Variants in JMY observed in about 807,000 individuals in gnomAD.
The protein encoded by JMY is junction mediating and regulatory protein, p53 cofactor.
JMY carries 46 observed loss-of-function variants against 103.3 expected under a neutral mutation model. That is an observed-to-expected ratio of 0.45 (90% CI 0.35 to 0.57). The LOEUF (loss-of-function observed/expected upper bound fraction) is 0.57. JMY is among the 20% of genes least tolerant of loss of function. The pLI, the probability that JMY is intolerant of heterozygous loss-of-function variation, is 0.00. For synonymous variants in JMY, 526 were observed against 489.3 expected (o/e 1.07, Z -0.99); for missense variants, 1,238 against 1,255.2 (o/e 0.99, Z 0.21).
chr5:79,268,069 C>A (rs1745634788), intron 1 of JMY, among the ~76,000 whole-genome samples: 1 of 152,100 alleles, frequency 6.6e-6, no homozygotes, highest in South Asian at 2.1e-4. Flanking sequence ...CACAGTGAGA[C>A]CCATCGCTAC....
intron 1 of JMY, among the ~76,000 whole-genome samples, chr5:79,246,144 C>T (rs1015891233): frequency 1.3e-5 from 2 of 152,118 alleles, no homozygotes; most frequent in Non-Finnish European, 1.5e-5. Context: ...TTTCACTTCT[C>T]CCTGTGGTTT....
Position 79,287,432 on chromosome 5 carries a change from C to T in JMY, c.1207-2689C>T, listed in dbSNP as rs1380542467. 2.6e-5 allele frequency among the ~76,000 whole-genome samples: 4 copies of T among 152,130 alleles called. No homozygotes were observed. The East Asian group carries it at 7.7e-4, about 29-fold the overall frequency. ...ACTAGCTTAAGGTTTTAGGTACAATCGACTAATTACGGATCTTTAACCTTT... is the reference window on the plus strand; with the variant it reads ...ACTAGCTTAAGGTTTTAGGTACAATTGACTAATTACGGATCTTTAACCTTT... On this transcript the variant is annotated intron_variant, in intron 2 of 10. Transcript: ENST00000396137.
chr5:79,272,271 C>T (rs1483768584), intron 1 of JMY, among the ~76,000 whole-genome samples: 1 of 152,096 alleles, frequency 6.6e-6, no homozygotes, highest in Non-Finnish European at 1.5e-5. Context: ...TTTATCTCTT[C>T]TAGGCAACAT....
At chr5:79,302,288 A>G (rs1746759949) in intron 6 of JMY, among the ~76,000 whole-genome samples, 1 of 152,190 alleles carries the variant, frequency 6.6e-6, no homozygotes, top group Non-Finnish European at 1.5e-5. Context: ...ATGCTATGCA[A>G]TTCAGACTTA....
Position 79,300,758 on chromosome 5 carries a change from G to C in JMY, c.1776G>C (p.Ala592=), listed in dbSNP as rs746936628. 1.1e-5 allele frequency: 17 copies of C among 1,612,194 alleles called. No individual in the cohort carries two copies. Among genetic ancestry groups the C allele is most frequent in the Non-Finnish European group, 1.4e-5 (17 of 1,179,322 alleles). The change falls in exon 6 of 11, where the codon GCG becomes GCC. Residue 592 remains alanine (A), a synonymous_variant. Coordinates refer to ENST00000396137, the MANE Select transcript of JMY (RefSeq NM_152405.5). The stretch of plus-strand genomic sequence containing the variant: ...AGAAGGAAGAGATGGCAGCATCTGC[G>C]TACTTACAGAGAGAAGAGCTGCAGA... ...MLEKEEMAAS[A]YLQREELQKL...
rs766069442 is a variant in JMY, at chr5:79,316,257, G to A, written c.2917G>A (p.Glu973Lys). 10 of 1,613,672 alleles carry A rather than the reference G, an allele frequency of 6.2e-6. No individual in the cohort carries two copies. Among genetic ancestry groups the A allele is most frequent in the African/African-American group, 1.3e-5 (1 of 74,920 alleles). The change falls in exon 10 of 11, where the codon GAG becomes AAG. Residue 973 changes from glutamate to lysine, a missense_variant. Physicochemically the swap from Glu to Lys is moderately conservative, Grantham distance 56. Transcript: ENST00000396137. ...TAGAAGAATTAAAGAAGCATCCCCA[G>A]AGTCAGAGGACGAAGAGGAGGCTTT... ...ALRRIKEASP[E>K]SEDEEEALPC...
At chr5:79,263,609 G>C (rs1745491212) in intron 1 of JMY, among the ~76,000 whole-genome samples, 1 of 152,110 alleles carries the variant, frequency 6.6e-6, no homozygotes, top group Non-Finnish European at 1.5e-5. Flanking sequence ...GGCCCAGGCT[G>C]GTCTTGAACT....
At chr5:79,309,600 T>G (rs1370820191) in intron 7 of JMY, among the ~76,000 whole-genome samples, 1 of 152,196 alleles carries the variant, frequency 6.6e-6, no homozygotes, top group Non-Finnish European at 1.5e-5. Context: ...AGCATCATAC[T>G]AAAGGCCAAA....
chr5:79,251,161 T>A (rs535364498), intron 1 of JMY, among the ~76,000 whole-genome samples: 2 of 152,288 alleles, frequency 1.3e-5, no homozygotes, highest in South Asian at 2.1e-4. Flanking sequence ...TCCTGTTTGG[T>A]TGGGAAGGAG....
At chr5:79,320,928 A>T (rs1167188794) in intron 10 of JMY, among the ~76,000 whole-genome samples, 2 of 152,240 alleles carry the variant, frequency 1.3e-5, no homozygotes, top group African/African-American at 4.8e-5. Context: ...GAAATGTCCT[A>T]CCAAAACAGC....
intron 2 of JMY, chr5:79,284,789 T>C: frequency 9.5e-6 from 15 of 1,576,238 alleles, no homozygotes; most frequent in Non-Finnish European, 1.3e-5. Context: ...ATCTTTCCAA[T>C]ATTTCTTATA....
chr5:79,237,965 CT>C (rs1357809739), intron 1 of JMY, among the ~76,000 whole-genome samples: 1 of 152,144 alleles, frequency 6.6e-6, no homozygotes, highest in Non-Finnish European at 1.5e-5. Context: ...ATTAAAGCCA[CT>C]AAGAAAAGTG....
intron 1 of JMY, among the ~76,000 whole-genome samples, chr5:79,272,805 T>G (rs1005111410): frequency 1.3e-5 from 2 of 152,292 alleles, no homozygotes; most frequent in Non-Finnish European, 2.9e-5. Context: ...GGCTAATTTT[T>G]GTATTTCTAG....
In JMY at chr5:79,314,634, C is replaced by T; in HGVS notation, c.2442C>T (p.Pro814=). The T allele has an allele frequency of 1.3e-6, 2 of 1,492,468 alleles. No homozygotes were observed. Among genetic ancestry groups the T allele is most frequent in the Non-Finnish European group, 1.9e-6 (2 of 1,080,884 alleles). 92.5% of individuals were successfully genotyped at this position (1,492,468 alleles called of 1,614,324 possible). The change falls in exon 9 of 11, where the codon CCC becomes CCT. Residue 814 remains proline (P), a synonymous_variant. Coordinates refer to ENST00000396137, the MANE Select transcript of JMY (RefSeq NM_152405.5). The part of the protein sequence containing the change: ...PSPLPPTPPP[P]PPPPPPPPPP... ...CTCTTCCTCCAACACCACCACCTCC[C>T]CCACCTCCTCCCCCTCCCCCACCAC... is the stretch of plus-strand genomic sequence containing the variant.
chr5:79,237,708 G>T (rs1388546810), intron 1 of JMY, 26 bp downstream of exon 1: 1 of 1,585,338 alleles, frequency 6.3e-7, no homozygotes, highest in East Asian at 2.2e-5. Flanking sequence ...CCTAGTCTGG[G>T]CTCTACTGGT....
At chr5:79,315,738 C>CTGT in intron 9 of JMY, among the ~76,000 whole-genome samples, 1 of 152,182 alleles carries the variant, frequency 6.6e-6, no homozygotes, top group South Asian at 2.1e-4. Context: ...TCCCAGTTCC[C>CTGT]AATCTGGTCA....
intron 1 of JMY, among the ~76,000 whole-genome samples, chr5:79,265,312 A>G (rs1445115178): frequency 5.9e-5 from 9 of 152,238 alleles, no homozygotes; most frequent in Non-Finnish European, 1.3e-4. Flanking sequence ...AACTTCAGAG[A>G]TACTTGCCTC....
chr5:79,261,257 T>C (rs7703834), intron 1 of JMY, among the ~76,000 whole-genome samples: 8,538 of 152,210 alleles, frequency 0.056, 536 homozygotes, highest in African/African-American at 0.15. Context: ...ACCATGGCAA[T>C]GTAAATTGAT....
At chr5:79,238,929 C>T (rs1047420928) in intron 1 of JMY, among the ~76,000 whole-genome samples, 1 of 152,204 alleles carries the variant, frequency 6.6e-6, no homozygotes, top group Non-Finnish European at 1.5e-5. Context: ...TCCCAAAGTG[C>T]TGGGATTACA....
Sources: gnomAD v4.1 joint callset for allele counts (sites outside exome capture counted in the v4.1 genomes callset) on GRCh38, gnomAD v4.1.1 for gene constraint, MANE v1.5 for transcripts, NCBI Gene and HGNC (gene_info 2026-07-23, HGNC 2026-07-21) for gene names.